FAIM2: variants seen among roughly 807,000 people sequenced by gnomAD.
The protein encoded by FAIM2 is protein lifeguard 2.
A neutral mutation model predicts 47.4 loss-of-function variants in FAIM2; 27 were observed. That is an observed-to-expected ratio of 0.57 (90% CI 0.42 to 0.78). FAIM2 has a LOEUF of 0.78. Among genes scored for constraint, FAIM2 ranks in the 30% least tolerant of loss-of-function variants. The pLI is 0.00. For missense variants in FAIM2, 311 were observed against 389.4 expected, an observed-to-expected ratio of 0.80 and a Z score of 1.69; for synonymous variants, 156 against 159.3, an observed-to-expected ratio of 0.98 and a Z score of 0.16.
chr12:49,895,259 T>C (rs756412685), intron 5 of FAIM2, among the ~76,000 whole-genome samples: 3 of 152,016 alleles, frequency 2.0e-5, no homozygotes, highest in Non-Finnish European at 4.4e-5. Context: ...CCCAGAGATG[T>C]TGAAGAGGAG....
intron 11 of FAIM2, among the ~76,000 whole-genome samples, chr12:49,885,684 C>A (rs1946856089): frequency 6.6e-6 from 1 of 152,108 alleles, no homozygotes; most frequent in African/African-American, 2.4e-5. Context: ...CCACATTGAG[C>A]CATTATCTTG....
In FAIM2 at chr12:49,901,215, G is replaced by T. The variant is rs752137288; in HGVS notation, c.126C>A (p.Thr42=). The T allele has an allele frequency of 6.8e-6, 11 of 1,611,878 alleles. No individual in the cohort carries two copies. The highest frequency in any genetic ancestry group is 8.5e-7 in the Non-Finnish European group (1 of 1,179,154). The change falls in exon 2 of 12, where the codon ACC becomes ACA. Residue 42 remains threonine, a synonymous_variant. Transcript: ENST00000320634. Reference sequence around the variant, plus strand: ...CCCCTGCCTTCATCCCCTCCCCAGAGGTGGCTTCCTCATAGGAGGGTGGGG... The same window carrying T: ...CCCCTGCCTTCATCCCCTCCCCAGATGTGGCTTCCTCATAGGAGGGTGGGG... ...PSAPPSYEEA[T]SGEGMKAGAF...
At chr12:49,902,556 G>A (rs747525753) in intron 1 of FAIM2, among the ~76,000 whole-genome samples, 32 of 152,118 alleles carry the variant, frequency 2.1e-4, no homozygotes, top group Non-Finnish European at 4.1e-4. Flanking sequence ...AGGAGGCAGA[G>A]GTCCCCCTCA....
At chr12:49,879,200 ATGTG>A (rs1417223654) in intron 11 of FAIM2, among the ~76,000 whole-genome samples, 7 of 112,888 alleles carry the variant, frequency 6.2e-5, no homozygotes, top group Non-Finnish European at 8.9e-5. Flanking sequence ...ATGTGTATGT[ATGTG>A]TATGAGTGTG....
chr12:49,867,301 A>G lies in FAIM2; in HGVS notation c.*3203T>C, dbSNP rs2137073997. On this transcript the variant is annotated 3_prime_UTR_variant, in exon 12 of 12. Transcript: ENST00000320634. ...TTTCCTCAAGCAGCCACTGGAGGGC[A>G]GCAAAGTGCTTATGCAAAAATCCCA... The G allele has an allele frequency of 6.6e-6, 1 of 152,380 alleles. No homozygotes were observed. The highest frequency in any genetic ancestry group is 1.5e-5 in the Non-Finnish European group (1 of 68,082). The allele number at this position is 152,380 out of a possible 1,614,324, so 9.4% of individuals were successfully genotyped here. A position where few individuals can be genotyped will look rare whatever the true frequency, so the allele number is the denominator to read the frequency against.
Position 49,887,447 on chromosome 12 carries a change from A to G in FAIM2, c.748-8T>C. The G allele has an allele frequency of 6.2e-7, 1 of 1,610,068 alleles. No individual in the cohort carries two copies. The highest frequency in any genetic ancestry group is 8.5e-7 in the Non-Finnish European group (1 of 1,177,956). On this transcript the variant is annotated splice_region_variant and splice_polypyrimidine_tract_variant and intron_variant, in intron 10 of 11. Transcript: ENST00000320634. ...TGCATGGAGCCAGGGCACCTGCGGC[A>G]GAGGAAAAATGGGCTTAGGGACGAC... is the stretch of plus-strand genomic sequence containing the variant.
chr12:49,883,449 G>A (rs1946840196), intron 11 of FAIM2, among the ~76,000 whole-genome samples: 2 of 151,994 alleles, frequency 1.3e-5, no homozygotes, highest in African/African-American at 4.8e-5. Flanking sequence ...CATTTGTCCT[G>A]AGTGACAGGA....
intron 11 of FAIM2, among the ~76,000 whole-genome samples, chr12:49,872,429 G>T (rs1385003135): frequency 6.6e-6 from 1 of 152,170 alleles, no homozygotes; most frequent in East Asian, 1.9e-4. Context: ...AAGGGATTGG[G>T]GCTTGCCCTT....
rs547994060 is a variant in FAIM2 at position 49,870,281 on chromosome 12, G to A, written c.*223C>T. Reference sequence around the variant, plus strand: ...ACCGTCCCAGTTTGGAAGATGTAACGGGCGAATGGGGCGGCACAGGGATTG... The same window carrying A: ...ACCGTCCCAGTTTGGAAGATGTAACAGGCGAATGGGGCGGCACAGGGATTG... On this transcript the variant is annotated 3_prime_UTR_variant, in exon 12 of 12. Coordinates refer to ENST00000320634, the MANE Select transcript of FAIM2 (RefSeq NM_012306.4). 2.9e-5 allele frequency: 13 copies of A among 455,796 alleles called. No homozygotes were observed. The highest frequency in any genetic ancestry group is 1.4e-4 in the South Asian group (4 of 28,156). The allele number at this position is 455,796 out of a possible 1,614,324, so 28.2% of individuals were successfully genotyped here.
chr12:49,897,738 A>G (rs1946948570), intron 3 of FAIM2, 155 bp from the exon 4 acceptor site: 4 of 654,276 alleles, frequency 6.1e-6, no homozygotes, highest in Non-Finnish European at 1.1e-5. Flanking sequence ...GCGAAAGGAA[A>G]GCAAAGATGC....
intron 11 of FAIM2, among the ~76,000 whole-genome samples, chr12:49,878,118 GTA>G (rs1946753997): frequency 7.4e-6 from 1 of 134,542 alleles, no homozygotes; most frequent in Non-Finnish European, 1.6e-5. Context: ...GTGTATGTGG[GTA>G]TGTGTGCATG....
At chr12:49,886,088 C>T (rs1338268273) in intron 11 of FAIM2, among the ~76,000 whole-genome samples, 1 of 152,214 alleles carries the variant, frequency 6.6e-6, no homozygotes, top group African/African-American at 2.4e-5. Flanking sequence ...TTGAATTGAG[C>T]TGAACGTTCC....
At chr12:49,900,293 C>G (rs897154120) in intron 2 of FAIM2, 172 of 1,113,308 alleles carry the variant, frequency 1.5e-4, no homozygotes, top group Non-Finnish European at 1.9e-4. Flanking sequence ...TCTCTGAGAT[C>G]TCTTCTAGAA....
intron 11 of FAIM2, among the ~76,000 whole-genome samples, chr12:49,879,002 A>C (rs1232204402): frequency 1.6e-5 from 2 of 126,056 alleles, no homozygotes; most frequent in African/African-American, 6.4e-5. Context: ...GTATCTGTGT[A>C]TGTGCATGTG....
At chr12:49,881,860 T>C (rs1946827932) in intron 11 of FAIM2, among the ~76,000 whole-genome samples, 1 of 152,220 alleles carries the variant, frequency 6.6e-6, no homozygotes, top group Admixed American at 6.5e-5. Flanking sequence ...TCCTCAAAGC[T>C]GGACCAGAGC....
intron 11 of FAIM2, among the ~76,000 whole-genome samples, chr12:49,878,076 ATGTGTGCATGTGAGTGCATG>A (rs1946752887): frequency 7.9e-6 from 1 of 126,604 alleles, no homozygotes; most frequent in Non-Finnish European, 1.7e-5. Flanking sequence ...ATGTGTGTTT[ATGTGTGCATGTGAGTGCATG>A]TGTGTGCATG....
intron 11 of FAIM2, among the ~76,000 whole-genome samples, chr12:49,880,234 GTGTA>G (rs1383848060): frequency 1.3e-5 from 2 of 151,512 alleles, no homozygotes; most frequent in Non-Finnish European, 2.9e-5. Context: ...GCATGCATGT[GTGTA>G]TGTGTATGTT....
chr12:49,878,150 G>GCA (rs1565613001), intron 11 of FAIM2, among the ~76,000 whole-genome samples: 1 of 120,598 alleles, frequency 8.3e-6, no homozygotes, highest in African/African-American at 3.3e-5. Context: ...ATGTGAGTGT[G>GCA]TGTATGAGTG....
intron 10 of FAIM2, among the ~76,000 whole-genome samples, chr12:49,888,311 G>C (rs1475199280): frequency 6.6e-6 from 1 of 152,228 alleles, no homozygotes; most frequent in Admixed American, 6.5e-5. Flanking sequence ...AGTGCCCGGA[G>C]GCTGGGGCTG....
Sources: gnomAD v4.1 joint callset for allele counts (sites outside exome capture counted in the v4.1 genomes callset) on GRCh38, gnomAD v4.1.1 for gene constraint, MANE v1.5 for transcripts, NCBI Gene and HGNC (gene_info 2026-07-23, HGNC 2026-07-21) for gene names.